The following PTH1R variants were observed in gnomAD, a reference collection of about 807,000 sequenced individuals.
PTH1R encodes the protein parathyroid hormone/parathyroid hormone-related peptide receptor.
A neutral mutation model predicts 70.7 loss-of-function variants in PTH1R; 32 were observed. The observed-to-expected ratio is 0.45, with a 90% CI of 0.34 to 0.61. PTH1R has a LOEUF of 0.61. Among genes scored for constraint, PTH1R ranks in the 20% least tolerant of loss-of-function variants. PTH1R has a pLI of 0.01. For synonymous variants in PTH1R, 329 were observed against 324.8 expected, an observed-to-expected ratio of 1.01 and a Z score of -0.14; for missense variants, 626 against 792.5, an observed-to-expected ratio of 0.79 and a Z score of 2.52.
At chr3:46,899,273 C>T in intron 9 of PTH1R, 30 bp from the exon 10 acceptor site, 2 of 1,613,566 alleles carry the variant, frequency 1.2e-6, no homozygotes, top group Non-Finnish European at 1.7e-6. Flanking sequence ...GCAGGCCCTG[C>T]CCTCTGACTA....
In PTH1R at chr3:46,883,375, T is replaced by C; in HGVS notation, c.-48-137T>C. On this transcript the variant is annotated intron_variant, in intron 2 of 15. Transcript: ENST00000449590. The surrounding 1 kb of genome is among the most constrained non-coding windows in gnomAD (Gnocchi z 6.4). ...TCCTTTGCGCTGCTCGCTCGCTCGC[T>C]CGCTCGCTCGCCCTCAGCGCATGGG... The C allele has an allele frequency of 7.1e-6, 1 of 141,524 alleles. No homozygotes were observed. The highest frequency in any genetic ancestry group is 1.5e-5 in the Non-Finnish European group (1 of 67,364). 8.8% of individuals were successfully genotyped at this position (141,524 alleles called of 1,614,324 possible). A position where few individuals can be genotyped will look rare whatever the true frequency, so the allele number is the denominator to read the frequency against.
chr3:46,895,553 G>A (rs534002114), intron 4 of PTH1R, 182 bp from the exon 5 acceptor site: 1 of 315,270 alleles, frequency 3.2e-6, no homozygotes, highest in South Asian at 1.3e-4. Flanking sequence ...CACCTGGCAA[G>A]CACTTTACAC....
In PTH1R at chr3:46,895,827, T is replaced by C; in HGVS notation, c.271T>C (p.Ser91Pro). 1 of 1,613,800 alleles carries C rather than the reference T, an allele frequency of 6.2e-7. No homozygotes were observed. Among genetic ancestry groups the C allele is most frequent in the Non-Finnish European group, 8.5e-7 (1 of 1,180,002 alleles). The change falls in exon 5 of 16, where the codon TCT becomes CCT. Residue 91 changes from serine to proline, a missense_variant. By Grantham distance (74) the Ser-to-Pro change is moderately conservative. This residue lies in a region of PTH1R where 123 missense variants were observed against 125.7 expected (regional missense o/e 0.98). Transcript: ENST00000449590. ...DKASGKLYPESEEDKEAPTGS... is the reference protein window; with the variant it reads ...DKASGKLYPEPEEDKEAPTGS... Reference sequence around the variant, plus strand: ...GGCATCTGGGAAGCTCTACCCTGAGTCTGAGGAGGACAAGGAGGCACCCAC... The same window carrying C: ...GGCATCTGGGAAGCTCTACCCTGAGCCTGAGGAGGACAAGGAGGCACCCAC...
In PTH1R at chr3:46,903,395, T is replaced by C; in HGVS notation, c.1521T>C (p.Asn507=). 6.2e-7 allele frequency: 1 copy of C among 1,613,512 alleles called. No homozygotes were observed. The highest frequency in any genetic ancestry group is 1.3e-5 in the African/African-American group (1 of 75,066). Residue 507 remains asparagine, a synonymous_variant, in exon 16 of 16, where the codon AAT becomes AAC. Coordinates refer to ENST00000449590, the MANE Select transcript of PTH1R (RefSeq NM_000316.3). The surrounding 1 kb of genome is among the most constrained non-coding windows in gnomAD (Gnocchi z 4.4). ...GPMVSHTSVT[N]VGPRVGLGLP... ...TGGTGTCCCACACAAGTGTGACCAATGTCGGCCCCCGTGTGGGACTCGGCC... is the reference window on the plus strand; with the variant it reads ...TGGTGTCCCACACAAGTGTGACCAACGTCGGCCCCCGTGTGGGACTCGGCC...
Position 46,902,343 on chromosome 3 carries a change from G to A in PTH1R, c.1212-183G>A, listed in dbSNP as rs575378006. Among the ~76,000 whole-genome samples the A allele has an allele frequency of 5.9e-5, 9 of 152,280 alleles. No homozygotes were observed. The highest frequency in any genetic ancestry group is 1.9e-4 in the East Asian group (1 of 5,186). On this transcript the variant is annotated intron_variant, in intron 13 of 15. Transcript: ENST00000449590. The surrounding 1 kb of genome is among the most constrained non-coding windows in gnomAD (Gnocchi z 5.4). The stretch of plus-strand genomic sequence containing the variant: ...CTCCGGGACACCGCTGAGAACCAAC[G>A]GGCCCTATTAGCACTTAGCCAGGAC...
intron 10 of PTH1R, 82 bp downstream of exon 10, chr3:46,899,538 C>G (rs929929264): frequency 1.3e-6 from 2 of 1,527,084 alleles, no homozygotes; most frequent in Non-Finnish European, 1.8e-6. Flanking sequence ...TGGGGGGAGG[C>G]GCCCACACAG....
chr3:46,900,077 G>A (rs770589192), intron 10 of PTH1R, among the ~76,000 whole-genome samples: 3 of 152,212 alleles, frequency 2.0e-5, no homozygotes, highest in Admixed American at 6.5e-5. Flanking sequence ...GAGCTTGGCT[G>A]GGCTCCGGGA....
At chr3:46,881,715 G>A (rs2030579760) in intron 2 of PTH1R, among the ~76,000 whole-genome samples, 1 of 151,874 alleles carries the variant, frequency 6.6e-6, no homozygotes, top group African/African-American at 2.4e-5. Context: ...GGGACGAGGC[G>A]AGGGTGGGGC....
At chr3:46,881,546 A>G (rs1266419630) in intron 2 of PTH1R, among the ~76,000 whole-genome samples, 1 of 151,998 alleles carries the variant, frequency 6.6e-6, no homozygotes, top group East Asian at 1.9e-4. Flanking sequence ...CAAGCTGGAG[A>G]GGCCCGGCCA....
rs1456993814 is a variant in PTH1R, at chr3:46,902,638, C to T, written c.1324C>T (p.His442Tyr). ...VSGTLWQVQM[H>Y]YEMLFNSFQG... Reference sequence around the variant, plus strand: ...AGGGACGCTCTGGCAAGTCCAGATGCACTATGAGATGCTCTTCAACTCCTT... The same window carrying T: ...AGGGACGCTCTGGCAAGTCCAGATGTACTATGAGATGCTCTTCAACTCCTT... The change falls in exon 14 of 16, where the codon CAC becomes TAC. Residue 442 changes from histidine to tyrosine, a missense_variant. Physicochemically the swap from His to Tyr is moderately conservative, Grantham distance 83 (BLOSUM62 2). This residue lies in a region of PTH1R where 495 missense variants were observed against 638.7 expected (regional missense o/e 0.77). Transcript: ENST00000449590. The surrounding 1 kb of genome is among the most constrained non-coding windows in gnomAD (Gnocchi z 5.4). 2 of 1,613,976 alleles carry T rather than the reference C, an allele frequency of 1.2e-6. No homozygotes were observed. Among genetic ancestry groups the T allele is most frequent in the African/African-American group, 2.7e-5 (2 of 74,896 alleles).
chr3:46,899,511 A>T, intron 10 of PTH1R, 55 bp downstream of exon 10: 1 of 1,582,008 alleles, frequency 6.3e-7, no homozygotes, highest in Non-Finnish European at 8.6e-7. Context: ...CGTGGGTGAC[A>T]GGGAGAGGGC....
Position 46,883,438 on chromosome 3 carries a change from G to A in PTH1R, c.-48-74G>A, listed in dbSNP as rs1344315902. ...CCCCGGGGCCTCGGGCCGCCGGGAC[G>A]CCGGGGTCCCATAGGCCGGGGCGTG... On this transcript the variant is annotated intron_variant, in intron 2 of 15. Coordinates refer to ENST00000449590, the MANE Select transcript of PTH1R (RefSeq NM_000316.3). The surrounding 1 kb of genome is among the most constrained non-coding windows in gnomAD (Gnocchi z 6.4). 3.8e-6 allele frequency: 3 copies of A among 791,544 alleles called. No individual in the cohort carries two copies. The highest frequency in any genetic ancestry group is 3.3e-6 in the Non-Finnish European group (2 of 604,526). 49.0% of individuals were successfully genotyped at this position (791,544 alleles called of 1,614,324 possible). A position where few individuals can be genotyped will look rare whatever the true frequency, so the allele number is the denominator to read the frequency against.
Position 46,898,420 on chromosome 3 carries a change from T to G in PTH1R, c.586T>G (p.Ser196Ala), listed in dbSNP as rs746024256. ...GGGCATGATTTACACCGTGGGCTACTCCGTGTCCCTGGCGTCCCTCACCGT... is the reference window on the plus strand; with the variant it reads ...GGGCATGATTTACACCGTGGGCTACGCCGTGTCCCTGGCGTCCCTCACCGT... ...RLGMIYTVGY[S>A]VSLASLTVAV... Residue 196 changes from serine to alanine, a missense_variant, in exon 8 of 16, where the codon TCC becomes GCC. Around this residue, in one of 3 missense-constraint regions of PTH1R, gnomAD observed 495 missense variants for 638.7 expected, o/e 0.77. Coordinates refer to ENST00000449590, the MANE Select transcript of PTH1R (RefSeq NM_000316.3). 3 of 1,613,884 alleles carry G rather than the reference T, an allele frequency of 1.9e-6. No homozygotes were observed. The highest frequency in any genetic ancestry group is 2.7e-5 in the African/African-American group (2 of 74,884).
In PTH1R at chr3:46,884,530, C is replaced by A. The variant is rs1456387411; in HGVS notation, c.75+896C>A. ...CTTGCTGGGAAGGGGGCTGTCCCAG[C>A]CCCTCAGTCCTATTCCACAGCAACC... On this transcript the variant is annotated intron_variant, in intron 3 of 15. Coordinates refer to ENST00000449590, the MANE Select transcript of PTH1R (RefSeq NM_000316.3). This position sits in a 1 kb window ranked among gnomAD's most constrained non-coding sequence, Gnocchi z 4.8. Among the ~76,000 whole-genome samples, 1 of 152,202 alleles carries A rather than the reference C, an allele frequency of 6.6e-6. No homozygotes were observed. The highest frequency in any genetic ancestry group is 2.4e-5 in the African/African-American group (1 of 41,446).
At position 46,903,013 on chromosome 3, in the gene PTH1R, G is replaced by T. The variant is rs2032223916; in HGVS notation, c.1395+223G>T. The T allele has an allele frequency of 2.0e-5, 19 of 956,666 alleles. No homozygotes were observed. The highest frequency in any genetic ancestry group is 2.9e-5 in the Non-Finnish European group (18 of 618,104). 59.3% of individuals were successfully genotyped at this position (956,666 alleles called of 1,614,324 possible). The stretch of plus-strand genomic sequence containing the variant: ...ACTGGCATAGCCAAGTGTCTTCCCA[G>T]CCCCATGGTTCAATTATCTGTGACC... On this transcript the variant is annotated intron_variant, in intron 15 of 15. Transcript: ENST00000449590. The surrounding 1 kb of genome is among the most constrained non-coding windows in gnomAD (Gnocchi z 4.4).
intron 10 of PTH1R, among the ~76,000 whole-genome samples, chr3:46,900,189 C>T (rs534707653): frequency 5.3e-5 from 8 of 152,284 alleles, no homozygotes; most frequent in East Asian, 1.9e-4. Flanking sequence ...CCCTGCCCCT[C>T]GACATACATC....
At chr3:46,895,640 C>A (rs982861485) in intron 4 of PTH1R, 95 bp from the exon 5 acceptor site, 2 of 1,592,712 alleles carry the variant, frequency 1.3e-6, no homozygotes, top group South Asian at 1.1e-5. Flanking sequence ...GACAACCCCC[C>A]CATTGTACAA....
At chr3:46,878,460 G>A (rs1400271226) in intron 1 of PTH1R, among the ~76,000 whole-genome samples, 3 of 152,232 alleles carry the variant, frequency 2.0e-5, no homozygotes, top group Non-Finnish European at 4.4e-5. Flanking sequence ...GCCTGAGGCT[G>A]GGGCTCATGA....
In PTH1R at chr3:46,892,424, G is replaced by A. The variant is rs564833583; in HGVS notation, c.76-1483G>A. Among the ~76,000 whole-genome samples, 1 of 152,312 alleles carries A rather than the reference G, an allele frequency of 6.6e-6. No individual in the cohort carries two copies. Among genetic ancestry groups the A allele is most frequent in the South Asian group, 2.1e-4 (1 of 4,824 alleles). On this transcript the variant is annotated intron_variant, in intron 3 of 15. Coordinates refer to ENST00000449590, the MANE Select transcript of PTH1R (RefSeq NM_000316.3). This position sits in a 1 kb window ranked among gnomAD's most constrained non-coding sequence, Gnocchi z 5.2. ...TCTCCATGTGAGAACGCGCACGGACGGGCACACACAAGTGCACGCGCCGGC... is the reference window on the plus strand; with the variant it reads ...TCTCCATGTGAGAACGCGCACGGACAGGCACACACAAGTGCACGCGCCGGC...
Sources: gnomAD v4.1 joint callset for allele counts (sites outside exome capture counted in the v4.1 genomes callset) on GRCh38, gnomAD v4.1.1 for gene constraint, gnomAD v4.1.1 regional missense constraint, Gnocchi (gnomAD v3.1) non-coding constraint, MANE v1.5 for transcripts, NCBI Gene and HGNC (gene_info 2026-07-23, HGNC 2026-07-21) for gene names.